PFKFB1: variants seen among roughly 807,000 people sequenced by gnomAD.
The protein encoded by PFKFB1 is 6-phosphofructo-2-kinase/fructose-2,6-bisphosphatase 1.
Under a neutral mutation model 46.4 loss-of-function variants are expected in PFKFB1, and 34 were observed. The observed-to-expected ratio is 0.73, with a 90% CI of 0.56 to 0.98. PFKFB1 has a LOEUF of 0.98. PFKFB1 is among the 50% of genes least tolerant of loss of function. The pLI, the probability that PFKFB1 is intolerant of heterozygous loss-of-function variation, is 0.00. For synonymous variants in PFKFB1, 119 were observed against 133.8 expected, an observed-to-expected ratio of 0.89 and a Z score of 0.76; for missense variants, 393 against 376.3, an observed-to-expected ratio of 1.04 and a Z score of -0.37.
At chrX:54,972,696 G>C (rs1039799042) in intron 1 of PFKFB1, among the ~76,000 whole-genome samples, 1 of 111,521 alleles carries the variant, frequency 9.0e-6, no homozygotes, top group African/African-American at 3.3e-5. Context: ...GCCCACTTGA[G>C]CATGGTGGAT....
chrX:54,970,429 G>T (rs1048812969), intron 1 of PFKFB1, among the ~76,000 whole-genome samples: 4 of 103,536 alleles, frequency 3.9e-5, no homozygotes, highest in Non-Finnish European at 7.9e-5. Context: ...CTGGTGTGCT[G>T]CACCCATTAA....
chrX:54,973,680 T>C lies in PFKFB1; in HGVS notation c.98-10298A>G, dbSNP rs1013400310. On this transcript the variant is annotated intron_variant, in intron 1 of 13. Transcript: ENST00000375006. ...TGAGTTTCTTAATCCTGAGTTCTAG[T>C]TTGATTGCACTGTGGTCTGAGAGAC... is the stretch of plus-strand genomic sequence containing the variant. Among the ~76,000 whole-genome samples, 3 of 111,380 alleles carry C rather than the reference T, an allele frequency of 2.7e-5. No homozygotes were observed. The East Asian group carries it at 8.4e-4, about 31-fold the overall frequency.
chrX:54,935,384 G>A (rs191320590), intron 11 of PFKFB1, among the ~76,000 whole-genome samples: 1 of 111,902 alleles, frequency 8.9e-6, no homozygotes, highest in Non-Finnish European at 1.9e-5. Context: ...CACAGTTCAC[G>A]TCAGCAAGTG....
chrX:54,945,812 T>C (rs1348163496), intron 9 of PFKFB1, among the ~76,000 whole-genome samples: 2 of 109,367 alleles, frequency 1.8e-5, no homozygotes, highest in Non-Finnish European at 3.8e-5. Context: ...GAGTGTATGA[T>C]GTTTTTCTAT....
intron 10 of PFKFB1, among the ~76,000 whole-genome samples, chrX:54,941,664 A>C (rs1933638846): frequency 8.9e-6 from 1 of 112,485 alleles, no homozygotes; most frequent in Admixed American, 9.4e-5. Context: ...ACTGGCCATC[A>C]GAGAAATGCA....
upstream of PFKFB1, chrX:54,994,928 T>C (rs1474308554): frequency 1.6e-6 from 1 of 618,509 alleles, no homozygotes; most frequent in African/African-American, 2.5e-5. Flanking sequence ...TTAGCCACCA[T>C]CAGATGCCCT....
chrX:54,948,222 C>A (rs1419216150), intron 9 of PFKFB1, among the ~76,000 whole-genome samples: 8 of 111,656 alleles, frequency 7.2e-5, no homozygotes, highest in African/African-American at 2.6e-4. Flanking sequence ...TGCACCTGGC[C>A]TGATTCCACC....
chrX:54,949,408 A>G (rs903712001), intron 8 of PFKFB1, among the ~76,000 whole-genome samples, 187 bp from the exon 9 acceptor site: 1 of 98,335 alleles, frequency 1.0e-5, no homozygotes, highest in African/African-American at 4.1e-5. Context: ...GGCCAAGGGA[A>G]TAGAAAAGAG....
At chrX:54,972,990 C>G in intron 1 of PFKFB1, among the ~76,000 whole-genome samples, 1 of 111,425 alleles carries the variant, frequency 9.0e-6, no homozygotes, top group Non-Finnish European at 1.9e-5. Context: ...GGTTGGTAAG[C>G]TATTGATTAT....
Position 54,994,127 on chromosome X carries a change from G to C in PFKFB1, c.-120C>G, listed in dbSNP as rs759777043. ...AGCAGGTGGACAGGGCTGGGACAGGGGGTGTACTGGGTTTCTGAGCCCTCT... is the reference window on the plus strand; with the variant it reads ...AGCAGGTGGACAGGGCTGGGACAGGCGGTGTACTGGGTTTCTGAGCCCTCT... On this transcript the variant is annotated 5_prime_UTR_variant, in exon 1 of 14. Transcript: ENST00000375006. 27 of 1,103,163 alleles carry C rather than the reference G, an allele frequency of 2.4e-5. No individual in the cohort carries two copies. The highest frequency in any genetic ancestry group is 3.1e-5 in the Non-Finnish European group (26 of 844,542). The allele number at this position is 1,103,163 out of a possible 1,213,427, so 90.9% of individuals were successfully genotyped here.
intron 8 of PFKFB1, among the ~76,000 whole-genome samples, chrX:54,949,807 G>T: frequency 8.9e-6 from 1 of 112,691 alleles, no homozygotes; most frequent in Non-Finnish European, 1.9e-5. Flanking sequence ...AGACAAAAAG[G>T]GCAAAGAATT....
intron 1 of PFKFB1, among the ~76,000 whole-genome samples, chrX:54,964,195 G>T (rs188001825): frequency 5.5e-5 from 6 of 110,022 alleles, no homozygotes; most frequent in African/African-American, 1.7e-4. Flanking sequence ...GCCCACTTGG[G>T]TTAGAACATA....
chrX:54,951,839 C>T, intron 8 of PFKFB1, 66 bp downstream of exon 8: 2 of 954,366 alleles, frequency 2.1e-6, no homozygotes, highest in East Asian at 6.7e-5. Flanking sequence ...ATGTGGCCAC[C>T]ACTACACCTG....
intron 10 of PFKFB1, among the ~76,000 whole-genome samples, chrX:54,940,135 A>T (rs1333289547): frequency 8.9e-6 from 1 of 112,311 alleles, no homozygotes; most frequent in African/African-American, 3.2e-5. Flanking sequence ...AACCAATGAC[A>T]AAAACCACAT....
intron 10 of PFKFB1, among the ~76,000 whole-genome samples, chrX:54,939,493 T>C: frequency 9.0e-6 from 1 of 111,307 alleles, no homozygotes; most frequent in Non-Finnish European, 1.9e-5. Flanking sequence ...GATAGACCAG[T>C]AGCAAGACTA....
intron 1 of PFKFB1, among the ~76,000 whole-genome samples, chrX:54,971,516 A>G (rs1471355758): frequency 3.6e-5 from 4 of 110,888 alleles, no homozygotes; most frequent in African/African-American, 1.3e-4. Flanking sequence ...ATTTTTGTAT[A>G]AGGTGTAAGG....
intron 1 of PFKFB1, among the ~76,000 whole-genome samples, chrX:54,979,387 A>T (rs1380010530): frequency 9.0e-6 from 1 of 111,559 alleles, no homozygotes; most frequent in Admixed American, 9.5e-5. Flanking sequence ...GGTAATTTTA[A>T]GTAGTACGGT....
chrX:54,994,756 T>C (rs915503293), upstream of PFKFB1: 2 of 753,000 alleles, frequency 2.7e-6, no homozygotes, highest in Admixed American at 8.7e-5. Flanking sequence ...ACCTGAAATG[T>C]GCTGCCTGGA....
At position 54,959,895 on chromosome X, in the gene PFKFB1, T is replaced by C; in HGVS notation, c.318-2A>G. The C allele has an allele frequency of 8.4e-7, 1 of 1,187,390 alleles. No individual in the cohort carries two copies. The highest frequency in any genetic ancestry group is 1.1e-6 in the Non-Finnish European group (1 of 874,767). Reference sequence around the variant, plus strand: ...TTCAGGGCTGCCAGGGCGCACTGCCTGAAATAGACCAGGAAAGAAAAAGAG... The same window carrying C: ...TTCAGGGCTGCCAGGGCGCACTGCCCGAAATAGACCAGGAAAGAAAAAGAG... On this transcript the variant is annotated splice_acceptor_variant, in intron 3 of 13. Transcript: ENST00000375006. LOFTEE classifies it high-confidence loss of function.
Sources: allele counts gnomAD v4.1 joint callset (sites outside exome capture counted in the v4.1 genomes callset), GRCh38; gene constraint gnomAD v4.1.1; transcripts MANE v1.5; gene names NCBI Gene and HGNC (gene_info 2026-07-23, HGNC 2026-07-21).